IL34: variants seen among roughly 807,000 people sequenced by gnomAD.
The protein encoded by IL34 is interleukin-34.
Under a neutral mutation model 25.3 loss-of-function variants are expected in IL34, and 17 were observed. That is an observed-to-expected ratio of 0.67 (90% confidence interval 0.46 to 1.01). The LOEUF (loss-of-function observed/expected upper bound fraction) is 1.01, where lower values mean the gene tolerates loss of function less well. IL34 is among the 50% of genes least tolerant of loss of function. The pLI, the probability that IL34 is intolerant of heterozygous loss-of-function variation, is 0.00. For synonymous variants in IL34, 174 were observed against 140.9 expected (o/e 1.23, Z -1.66); for missense variants, 368 against 312.9 (o/e 1.18, Z -1.33).
chr16:70,646,922 C>A lies in IL34; in HGVS notation c.-26C>A, dbSNP rs368387403. 3.4e-6 allele frequency: 5 copies of A among 1,480,506 alleles called. No homozygotes were observed. The African/African-American group carries it at 4.4e-5, about 13-fold the overall frequency. 91.7% of individuals were successfully genotyped at this position (1,480,506 alleles called of 1,614,324 possible). A position where few individuals can be genotyped will look rare whatever the true frequency, so the allele number is the denominator to read the frequency against. ...CACACTGCTGGGGACGGCGCCTGAGCTCTCAGGGGGACGAGGAACACCACC... is the reference window on the plus strand; with the variant it reads ...CACACTGCTGGGGACGGCGCCTGAGATCTCAGGGGGACGAGGAACACCACC... On this transcript the variant is annotated 5_prime_UTR_variant, in exon 1 of 6. Coordinates refer to ENST00000288098, the MANE Select transcript of IL34 (RefSeq NM_001393494.1).
intron 5 of IL34, 42 bp downstream of exon 5, chr16:70,659,795 A>G (rs758165177): frequency 1.3e-6 from 2 of 1,573,420 alleles, no homozygotes; most frequent in Non-Finnish European, 1.7e-6. Flanking sequence ...GTGGGAGGCC[A>G]GGCATCTGGG....
intron 1 of IL34, among the ~76,000 whole-genome samples, chr16:70,623,902 G>A (rs1165799003): frequency 6.7e-6 from 1 of 149,562 alleles, no homozygotes; most frequent in African/African-American, 2.5e-5. Flanking sequence ...ATGGAGGCAA[G>A]GGAAACAGGC....
At chr16:70,659,938 T>A in intron 5 of IL34, 59 bp from the exon 6 acceptor site, 7 of 1,508,108 alleles carry the variant, frequency 4.6e-6, no homozygotes, top group Non-Finnish European at 6.2e-6. Flanking sequence ...CTTGGCTTAG[T>A]GGGGAGGGTG....
chr16:70,625,358 G>T (rs540682351), intron 1 of IL34, among the ~76,000 whole-genome samples: 199 of 152,176 alleles, frequency 1.3e-3, no homozygotes, highest in Middle Eastern at 0.01. Flanking sequence ...GGAAATAAGG[G>T]ATTGGGGCAC....
At position 70,656,697 on chromosome 16, in the gene IL34, G is replaced by T. The variant is rs189509142; in HGVS notation, c.240+18G>T. On this transcript the variant is annotated intron_variant, in intron 3 of 5. Coordinates refer to ENST00000288098, the MANE Select transcript of IL34 (RefSeq NM_001393494.1). ...CCAGGCTGGTGAGAATCCCTTCCTG[G>T]GCTGGGGGGACCCTGCCTCCTGCGA... 6.9e-5 allele frequency: 83 copies of T among 1,202,510 alleles called. 2 individuals carry two copies. The East Asian group carries it at 1.8e-3, about 27-fold the overall frequency. The allele number at this position is 1,202,510 out of a possible 1,614,324, so 74.5% of individuals were successfully genotyped here. A position where few individuals can be genotyped will look rare whatever the true frequency, so the allele number is the denominator to read the frequency against.
At chr16:70,627,248 AAC>A (rs2051414238) in intron 1 of IL34, among the ~76,000 whole-genome samples, 1 of 152,170 alleles carries the variant, frequency 6.6e-6, no homozygotes, top group African/African-American at 2.4e-5. Flanking sequence ...TAATTACACA[AAC>A]ACACAGGAAA....
intron 1 of IL34, among the ~76,000 whole-genome samples, chr16:70,596,026 G>C (rs1001978908): frequency 1.4e-5 from 2 of 146,602 alleles, no homozygotes; most frequent in Admixed American, 6.9e-5. Flanking sequence ...AAAAAAAAAA[G>C]AAAGTTGTAT....
In IL34 at chr16:70,660,468, C is replaced by A. The variant is rs564529049; in HGVS notation, c.*281C>A. 2 of 356,494 alleles carry A rather than the reference C, an allele frequency of 5.6e-6. No homozygotes were observed. Among genetic ancestry groups the A allele is most frequent in the South Asian group, 1.7e-4 (2 of 11,834 alleles). The allele number at this position is 356,494 out of a possible 1,614,324, so 22.1% of individuals were successfully genotyped here. A position where few individuals can be genotyped will look rare whatever the true frequency, so the allele number is the denominator to read the frequency against. ...CCTGGTGCTGCCCTCACTGTCCCCC[C>A]GCCTAAAGGGGGTACTGAGCCTCCT... is the stretch of plus-strand genomic sequence containing the variant. On this transcript the variant is annotated 3_prime_UTR_variant, in exon 6 of 6. Transcript: ENST00000288098.
chr16:70,604,667 G>T (rs1193246642), intron 1 of IL34, among the ~76,000 whole-genome samples: 1 of 152,234 alleles, frequency 6.6e-6, no homozygotes, highest in African/African-American at 2.4e-5. Context: ...TGGATCAGCC[G>T]TGCCAGGTCT....
chr16:70,646,855 G>A lies in IL34; in HGVS notation c.-93G>A. 1.6e-6 allele frequency: 2 copies of A among 1,264,982 alleles called. No individual in the cohort carries two copies. Among genetic ancestry groups the A allele is most frequent in the Non-Finnish European group, 2.1e-6 (2 of 946,870 alleles). The allele number at this position is 1,264,982 out of a possible 1,614,324, so 78.4% of individuals were successfully genotyped here. A position where few individuals can be genotyped will look rare whatever the true frequency, so the allele number is the denominator to read the frequency against. ...CTTCCCTGACTGAGTGACCACCTCT[G>A]CTGCCCCGAGGCCATGTAGGCCGTG... On this transcript the variant is annotated 5_prime_UTR_variant, in exon 1 of 6. Transcript: ENST00000288098.
chr16:70,634,629 G>A (rs1309511954), intron 1 of IL34, among the ~76,000 whole-genome samples: 1 of 150,954 alleles, frequency 6.6e-6, no homozygotes, highest in African/African-American at 2.4e-5. Context: ...GCAGTGAGCC[G>A]AGATCGTGTC....
In IL34 at chr16:70,646,990, G is replaced by T; in HGVS notation, c.28+15G>T. On this transcript the variant is annotated intron_variant, in intron 1 of 5. Coordinates refer to ENST00000288098, the MANE Select transcript of IL34 (RefSeq NM_001393494.1). ...CTGGCTGCGCTGTGAGTACTGGGGG[G>T]TCCCTAGGGACCTGCATTGGGAGGC... 2.8e-6 allele frequency: 4 copies of T among 1,452,060 alleles called. No homozygotes were observed. Among genetic ancestry groups the T allele is most frequent in the East Asian group, 3.0e-5 (1 of 33,578 alleles). The allele number at this position is 1,452,060 out of a possible 1,614,324, so 89.9% of individuals were successfully genotyped here.
intron 1 of IL34, among the ~76,000 whole-genome samples, chr16:70,607,888 C>G (rs1597743900): frequency 6.6e-6 from 1 of 151,728 alleles, no homozygotes; most frequent in South Asian, 2.1e-4. Flanking sequence ...CTGCCTCAGC[C>G]TCCCTAGTTG....
rs1236559865 is a variant in IL34 at position 70,660,521 on chromosome 16, G to C, written c.*334G>C. 3 of 247,524 alleles carry C rather than the reference G, an allele frequency of 1.2e-5. No individual in the cohort carries two copies. Among genetic ancestry groups the C allele is most frequent in the Non-Finnish European group, 2.3e-5 (3 of 129,916 alleles). 15.3% of individuals were successfully genotyped at this position (247,524 alleles called of 1,614,324 possible). On this transcript the variant is annotated 3_prime_UTR_variant, in exon 6 of 6. Coordinates refer to ENST00000288098, the MANE Select transcript of IL34 (RefSeq NM_001393494.1). ...GGCCCGCAGCAGTGAGGGCACAGCT[G>C]TGGGTTGCAGGGGAGACAGCCAGCA...
chr16:70,641,818 G>T (rs955101533), upstream of IL34, among the ~76,000 whole-genome samples: 5 of 148,208 alleles, frequency 3.4e-5, no homozygotes, highest in Admixed American at 6.8e-5. Flanking sequence ...CCACCCCCCC[G>T]CAACCTCCCA....
At chr16:70,591,857 C>G (rs536056731) in intron 1 of IL34, among the ~76,000 whole-genome samples, 2 of 152,234 alleles carry the variant, frequency 1.3e-5, no homozygotes, top group African/African-American at 4.8e-5. Flanking sequence ...CCCTGAGGCT[C>G]GGTGCTGGGG....
chr16:70,657,284 A>T, intron 4 of IL34, 163 bp downstream of exon 4: 1 of 735,836 alleles, frequency 1.4e-6, no homozygotes. Context: ...GCAGGAAAAG[A>T]GGCCTGTGGA....
intron 1 of IL34, among the ~76,000 whole-genome samples, chr16:70,626,400 G>C (rs1187753037): frequency 1.3e-5 from 2 of 151,998 alleles, no homozygotes; most frequent in Non-Finnish European, 2.9e-5. Flanking sequence ...GTTTGTTTTT[G>C]TTTTTGTTTT....
intron 1 of IL34, among the ~76,000 whole-genome samples, chr16:70,622,408 C>T (rs1442050978): frequency 6.6e-6 from 1 of 151,844 alleles, no homozygotes; most frequent in East Asian, 1.9e-4. Flanking sequence ...GCAGATGGAA[C>T]ACCGAGAAGT....
Sources: allele counts gnomAD v4.1 joint callset (sites outside exome capture counted in the v4.1 genomes callset), GRCh38; gene constraint gnomAD v4.1.1; transcripts MANE v1.5; gene names NCBI Gene and HGNC (gene_info 2026-07-23, HGNC 2026-07-21).